The following OR9G4 variants were observed in gnomAD, a reference collection of about 807,000 sequenced individuals.
The protein encoded by OR9G4 is olfactory receptor 9G4.
Under a neutral mutation model 16.7 loss-of-function variants are expected in OR9G4, and 19 were observed. That is an observed-to-expected ratio of 1.14 (90% CI 0.79 to 1.67). OR9G4 has a LOEUF of 1.67. OR9G4 is among the 40% of genes most tolerant of loss of function. The pLI, the probability that OR9G4 is intolerant of heterozygous loss-of-function variation, is 0.00. For missense variants in OR9G4, 428 were observed against 370.4 expected, an observed-to-expected ratio of 1.16 and a Z score of -1.28; for synonymous variants, 182 against 146.2, an observed-to-expected ratio of 1.24 and a Z score of -1.76.
In OR9G4 at chr11:56,743,149, T is replaced by G; in HGVS notation, c.618A>C (p.Thr206=). Residue 206 remains threonine, a synonymous_variant, in exon 2 of 2, where the codon ACA becomes ACC. Transcript: ENST00000641668. ...EKVLLGVVGF[T]VLSSILAILI... The stretch of plus-strand genomic sequence containing the variant: ...GGATAGCAAGAATGCTGGAGAGTAC[T>G]GTGAAGCCCACCACACCAAGCAGGA... 6.2e-7 allele frequency: 1 copy of G among 1,614,098 alleles called. No individual in the cohort carries two copies. Among genetic ancestry groups the G allele is most frequent in the Non-Finnish European group, 8.5e-7 (1 of 1,179,940 alleles).
In OR9G4 at chr11:56,742,950, C is replaced by T; in HGVS notation, c.817G>A (p.Val273Ile). The change falls in exon 2 of 2, where the codon GTA (valine) becomes ATA (isoleucine). Residue 273 changes from valine (V) to isoleucine (I), a missense_variant. Transcript: ENST00000641668. ...ATCACGGTGTAGAACAGAGCAGCTA[C>T]TTTGTCCCTCTCTAGGGAGTAGGTG... Reference protein sequence around the residue: ...SSTYSLERDKVAALFYTVINP... With the variant: ...SSTYSLERDKIAALFYTVINP... 3 of 1,614,078 alleles carry T rather than the reference C, an allele frequency of 1.9e-6. No individual in the cohort carries two copies. Among genetic ancestry groups the T allele is most frequent in the Non-Finnish European group, 1.7e-6 (2 of 1,179,990 alleles).
intron 1 of OR9G4, among the ~76,000 whole-genome samples, chr11:56,746,356 G>A (rs1297448222): frequency 6.7e-6 from 1 of 149,310 alleles, no homozygotes; most frequent in Non-Finnish European, 1.5e-5. Flanking sequence ...TCTAAACACT[G>A]CATTTCTTAA....
intron 1 of OR9G4, among the ~76,000 whole-genome samples, 186 bp downstream of exon 1, chr11:56,748,470 G>T (rs1342124397): frequency 6.6e-6 from 1 of 152,224 alleles, no homozygotes; most frequent in African/African-American, 2.4e-5. Flanking sequence ...AATTCTACGT[G>T]AGAGCAGGAT....
chr11:56,744,573 C>T (rs1365355601), intron 1 of OR9G4, among the ~76,000 whole-genome samples: 1 of 151,916 alleles, frequency 6.6e-6, no homozygotes, highest in Admixed American at 6.6e-5. Context: ...GACCATGTAC[C>T]AGTTACTATT....
At chr11:56,746,532 C>A (rs553546492) in intron 1 of OR9G4, among the ~76,000 whole-genome samples, 1 of 151,808 alleles carries the variant, frequency 6.6e-6, no homozygotes, top group East Asian at 1.9e-4. Context: ...ATTAGTTTGC[C>A]GGTTATTATT....
rs892855414 is a variant in OR9G4, at chr11:56,742,210, T to C, written c.*618A>G. 2.0e-5 allele frequency: 3 copies of C among 152,826 alleles called. No individual in the cohort carries two copies. Among genetic ancestry groups the C allele is most frequent in the East Asian group, 1.9e-4 (1 of 5,200 alleles). The allele number at this position is 152,826 out of a possible 1,614,324, so 9.5% of individuals were successfully genotyped here. A position where few individuals can be genotyped will look rare whatever the true frequency, so the allele number is the denominator to read the frequency against. On this transcript the variant is annotated 3_prime_UTR_variant, in exon 2 of 2. Transcript: ENST00000641668. ...AAGAGAGAAGACTGTTAGGATGATATGCAATTCTAAAGACACATATTTATT... is the reference window on the plus strand; with the variant it reads ...AAGAGAGAAGACTGTTAGGATGATACGCAATTCTAAAGACACATATTTATT...
In OR9G4 at chr11:56,742,798, C is replaced by T; in HGVS notation, c.*30G>A. 6.3e-7 allele frequency: 1 copy of T among 1,581,178 alleles called. No individual in the cohort carries two copies. Among genetic ancestry groups the T allele is most frequent in the African/African-American group, 1.4e-5 (1 of 73,812 alleles). On this transcript the variant is annotated 3_prime_UTR_variant, in exon 2 of 2. Transcript: ENST00000641668. ...TTATAAGCCAATAATCTGGAAAATTCAATAACAGCATTTGCAAAGAGAATA... is the reference window on the plus strand; with the variant it reads ...TTATAAGCCAATAATCTGGAAAATTTAATAACAGCATTTGCAAAGAGAATA...
rs1302278307 is a variant in OR9G4 at position 56,743,532 on chromosome 11, GGGTATACACAGA to G, written c.223_234del (p.Ser75_Thr78del). 6.2e-7 allele frequency: 1 copy of G among 1,614,060 alleles called. No individual in the cohort carries two copies. The highest frequency in any genetic ancestry group is 2.2e-5 in the East Asian group (1 of 44,862). ...GAGACACAACTGGCCAGGATTTTGGGGGTATACACAGAGGTATACCAGAAATCCAAAAAAGAC... is the reference window on the plus strand; with the variant it reads ...GAGACACAACTGGCCAGGATTTTGGGGGTATACCAGAAATCCAAAAAAGAC... On this transcript the variant is annotated inframe_deletion, in exon 2 of 2. Coordinates refer to ENST00000641668, the MANE Select transcript of OR9G4 (RefSeq NM_001005284.2).
At chr11:56,745,100 A>G (rs1018339813) in intron 1 of OR9G4, among the ~76,000 whole-genome samples, 1 of 152,164 alleles carries the variant, frequency 6.6e-6, no homozygotes, top group Non-Finnish European at 1.5e-5. Context: ...CAGAACATCA[A>G]TCTACAAAAT....
chr11:56,746,502 T>C (rs1858419513), intron 1 of OR9G4, among the ~76,000 whole-genome samples: 1 of 152,130 alleles, frequency 6.6e-6, no homozygotes. Flanking sequence ...TTTAATGGGT[T>C]CACAAACTCC....
chr11:56,745,173 G>C (rs1858386893), intron 1 of OR9G4, among the ~76,000 whole-genome samples: 1 of 152,124 alleles, frequency 6.6e-6, no homozygotes, highest in South Asian at 2.1e-4. Context: ...TTCTGAGCTT[G>C]CAAAACATAA....
chr11:56,745,644 C>T (rs1004703385), intron 1 of OR9G4, among the ~76,000 whole-genome samples: 3 of 151,930 alleles, frequency 2.0e-5, no homozygotes, highest in African/African-American at 4.8e-5. Flanking sequence ...TGGTGGTACA[C>T]GGCTGTAATC....
chr11:56,743,930 A>G (rs1470167424), intron 1 of OR9G4, 142 bp from the exon 2 acceptor site: 1 of 893,538 alleles, frequency 1.1e-6, no homozygotes, highest in African/African-American at 1.7e-5. Flanking sequence ...TCAGTCCATG[A>G]TTTGGAAAAA....
chr11:56,743,333 A>G lies in OR9G4; in HGVS notation c.434T>C (p.Val145Ala), dbSNP rs1025538427. ...AAATCCTCCTATGTAGGAGCCAGCAACAAGCCCAGTACAGAGGGCGGTGGA... is the reference window on the plus strand; with the variant it reads ...AAATCCTCCTATGTAGGAGCCAGCAGCAAGCCCAGTACAGAGGGCGGTGGA... ...TMSTALCTGL[V>A]AGSYIGGFLN... is the part of the protein sequence containing the mutation. The change falls in exon 2 of 2, where the codon GTT becomes GCT. Residue 145 changes from valine to alanine, a missense_variant. Coordinates refer to ENST00000641668, the MANE Select transcript of OR9G4 (RefSeq NM_001005284.2). 7 of 1,614,214 alleles carry G rather than the reference A, an allele frequency of 4.3e-6. No individual in the cohort carries two copies. The highest frequency in any genetic ancestry group is 3.3e-5 in the Admixed American group (2 of 60,026).
chr11:56,744,766 GA>G (rs1858378114), intron 1 of OR9G4, among the ~76,000 whole-genome samples: 1 of 152,126 alleles, frequency 6.6e-6, no homozygotes, highest in Non-Finnish European at 1.5e-5. Flanking sequence ...TAGTTTGCTG[GA>G]TAAGACATCT....
Position 56,743,559 on chromosome 11 carries a change from C to A in OR9G4, c.208G>T (p.Asp70Tyr). 6 of 1,613,894 alleles carry A rather than the reference C, an allele frequency of 3.7e-6. No homozygotes were observed. The highest frequency in any genetic ancestry group is 5.1e-6 in the Non-Finnish European group (6 of 1,179,974). ...YFFIGNLSFL[D>Y]FWYTSVYTPK... ...GTATACACAGAGGTATACCAGAAAT[C>A]CAAAAAAGACAGATTGCCAATGAAA... Residue 70 changes from aspartate to tyrosine, a missense_variant, in exon 2 of 2, where the codon GAT becomes TAT. By Grantham distance (160) the Asp-to-Tyr change is radical. Transcript: ENST00000641668.
rs183893251 is a variant in OR9G4 at position 56,747,932 on chromosome 11, C to G, written c.-23+724G>C. The stretch of plus-strand genomic sequence containing the variant: ...CTCGTGATCCGCCCTCCTCAGCCTC[C>G]CAAAGTGCTGGGATTACAGGCTTGG... On this transcript the variant is annotated intron_variant, in intron 1 of 1. Coordinates refer to ENST00000641668, the MANE Select transcript of OR9G4 (RefSeq NM_001005284.2). 7.0e-3 allele frequency among the ~76,000 whole-genome samples: 1,063 copies of G among 152,298 alleles called. 6 individuals are homozygous for G. The highest frequency in any genetic ancestry group is 0.011 in the Non-Finnish European group (773 of 68,028).
Position 56,743,725 on chromosome 11 carries a change from C to A in OR9G4, c.42G>T (p.Leu14Phe), listed in dbSNP as rs746456849. The A allele has an allele frequency of 3.7e-6, 6 of 1,614,086 alleles. No individual in the cohort carries two copies. Among genetic ancestry groups the A allele is most frequent in the Non-Finnish European group, 5.1e-6 (6 of 1,179,968 alleles). ...ACTGGGAATCTGCTGAGAAACCCAA[C>A]AAGATGAATTCAGTCAGGATGGTGC... ...GNCTILTEFI[L>F]LGFSADSQWQ... The change falls in exon 2 of 2, where the codon TTG becomes TTT. Residue 14 changes from leucine (L) to phenylalanine (F), a missense_variant. Transcript: ENST00000641668.
At chr11:56,746,365 A>C (rs1357283531) in intron 1 of OR9G4, among the ~76,000 whole-genome samples, 1 of 151,714 alleles carries the variant, frequency 6.6e-6, no homozygotes, top group Non-Finnish European at 1.5e-5. Context: ...TGCATTTCTT[A>C]ATTTCTTTAT....
Sources: allele counts gnomAD v4.1 joint callset (sites outside exome capture counted in the v4.1 genomes callset), GRCh38; gene constraint gnomAD v4.1.1; transcripts MANE v1.5; gene names NCBI Gene and HGNC (gene_info 2026-07-23, HGNC 2026-07-21).